ENG: variants seen among roughly 807,000 people sequenced by gnomAD.
ENG encodes endoglin.
In ENG, 17 loss-of-function variants were observed where a neutral mutation model predicts 71.0. The observed-to-expected ratio is 0.24, with a 90% CI of 0.16 to 0.36. ENG has a LOEUF of 0.36. ENG is among the 10% of genes least tolerant of loss of function. The probability of loss-of-function intolerance (pLI) is 1.00; values close to 1 mark genes in which losing one functional copy is unlikely to be tolerated. For synonymous variants in ENG, 360 were observed against 366.9 expected (o/e 0.98, Z 0.21); for missense variants, 749 against 868.3 (o/e 0.86, Z 1.73).
intron 1 of ENG, among the ~76,000 whole-genome samples, chr9:127,849,287 A>G (rs1831239359): frequency 6.6e-6 from 1 of 152,352 alleles, no homozygotes; most frequent in South Asian, 2.1e-4. Context: ...CCATTACTCC[A>G]TTCTTGAATC....
chr9:127,831,602 G>A (rs1233788724), intron 2 of ENG, among the ~76,000 whole-genome samples: 2 of 151,542 alleles, frequency 1.3e-5, no homozygotes, highest in Non-Finnish European at 2.9e-5. Flanking sequence ...TGGTCAGGCT[G>A]GTCTCGAACT....
chr9:127,834,288 G>A (rs1830842218), intron 2 of ENG, among the ~76,000 whole-genome samples: 1 of 151,092 alleles, frequency 6.6e-6, no homozygotes, highest in African/African-American at 2.4e-5. Flanking sequence ...TGTCGCCTAG[G>A]CTAGAGTGCA....
chr9:127,853,143 G>A (rs186407579), intron 1 of ENG, among the ~76,000 whole-genome samples: 43 of 152,230 alleles, frequency 2.8e-4, no homozygotes, highest in African/African-American at 9.9e-4. Flanking sequence ...GCCGCAGGCC[G>A]GGAGTCAAAT....
intron 8 of ENG, among the ~76,000 whole-genome samples, chr9:127,823,029 CAG>C (rs1201058625): frequency 1.3e-5 from 2 of 151,136 alleles, no homozygotes; most frequent in Non-Finnish European, 2.9e-5. Context: ...TTAGTAGAGA[CAG>C]GGTTTCACCG....
intron 11 of ENG, 25 bp downstream of exon 11, chr9:127,818,691 G>A (rs370394954): frequency 8.8e-5 from 142 of 1,609,880 alleles, no homozygotes; most frequent in Non-Finnish European, 1.1e-4. Context: ...TGGGAGGCCC[G>A]AGGGGTGACA....
intron 2 of ENG, among the ~76,000 whole-genome samples, chr9:127,834,701 C>T (rs542277140): frequency 1.9e-4 from 29 of 150,708 alleles, no homozygotes; most frequent in Admixed American, 1.8e-3. Context: ...CCACGCCCAG[C>T]CTAATTTTTG....
In ENG at chr9:127,819,909, G is replaced by C. The variant is rs760446518; in HGVS notation, c.1263C>G (p.Ile421Met). ...SCGMQVSASM[I>M]SNEAVVNILS... is the part of the protein sequence containing the mutation. ...TGGCCCCAGCTCTTACCTCATTGCT[G>C]ATCATACTTGCTGACACCTGCATGC... is the stretch of plus-strand genomic sequence containing the variant. Residue 421 changes from isoleucine to methionine, a missense_variant, in exon 9 of 15, where the codon ATC (isoleucine) becomes ATG (methionine). By Grantham distance (10) the Ile-to-Met change is conservative. Coordinates refer to ENST00000373203, the MANE Select transcript of ENG (RefSeq NM_001114753.3). The C allele has an allele frequency of 1.9e-6, 3 of 1,614,232 alleles. No homozygotes were observed. The highest frequency in any genetic ancestry group is 1.7e-5 in the Admixed American group (1 of 60,028).
Position 127,854,476 on chromosome 9 carries a change from G to A in ENG, c.-121C>T, listed in dbSNP as rs527858227. ...CCCGAGGGGAGCAGGCGGCCGGAGCGACGGCGTCCCTGCTCCAGCCTTCTG... is the reference window on the plus strand; with the variant it reads ...CCCGAGGGGAGCAGGCGGCCGGAGCAACGGCGTCCCTGCTCCAGCCTTCTG... On this transcript the variant is annotated 5_prime_UTR_variant, in exon 1 of 15. Transcript: ENST00000373203. 9 of 1,100,870 alleles carry A rather than the reference G, an allele frequency of 8.2e-6. No homozygotes were observed. Among genetic ancestry groups the A allele is most frequent in the Middle Eastern group, 2.8e-4 (1 of 3,520 alleles). 68.2% of individuals were successfully genotyped at this position (1,100,870 alleles called of 1,614,324 possible).
intron 1 of ENG, among the ~76,000 whole-genome samples, chr9:127,850,718 C>A (rs930708925): frequency 2.0e-5 from 3 of 152,262 alleles, no homozygotes; most frequent in Non-Finnish European, 4.4e-5. Context: ...ATCCTCCACA[C>A]TCAGGAACAC....
chr9:127,853,842 C>A (rs1180479441), intron 1 of ENG, among the ~76,000 whole-genome samples: 1 of 152,198 alleles, frequency 6.6e-6, no homozygotes, highest in East Asian at 1.9e-4. Flanking sequence ...GAAGGCAGTC[C>A]CCCAGGATCA....
At chr9:127,824,262 T>C in intron 8 of ENG, 42 bp downstream of exon 8, 1 of 1,613,810 alleles carries the variant, frequency 6.2e-7, no homozygotes, top group South Asian at 1.1e-5. Context: ...AGGAACCAGA[T>C]GTCCATGTCA....
chr9:127,854,418 G>GGGCACCGGGGCC lies in ENG; in HGVS notation c.-75_-64dup. On this transcript the variant is annotated 5_prime_UTR_variant, in exon 1 of 15. Coordinates refer to ENST00000373203, the MANE Select transcript of ENG (RefSeq NM_001114753.3). ...TGTGTCCAGTGGCAGGGCTGCGGGC[G>GGGCACCGGGGCC]GGCACCGGGGCCGGCGTGGGCTCGC... 6.6e-7 allele frequency: 1 copy of GGGCACCGGGGCC among 1,515,090 alleles called. No individual in the cohort carries two copies. The highest frequency in any genetic ancestry group is 8.9e-7 in the Non-Finnish European group (1 of 1,121,642). The allele number at this position is 1,515,090 out of a possible 1,614,324, so 93.9% of individuals were successfully genotyped here. A position where few individuals can be genotyped will look rare whatever the true frequency, so the allele number is the denominator to read the frequency against.
chr9:127,845,554 C>T (rs758331056), intron 1 of ENG, among the ~76,000 whole-genome samples: 9 of 152,214 alleles, frequency 5.9e-5, no homozygotes, highest in Non-Finnish European at 1.2e-4. Flanking sequence ...GCCTCTCAGG[C>T]CCAATGCTTA....
chr9:127,824,146 G>A (rs1382770456), intron 8 of ENG, among the ~76,000 whole-genome samples, 158 bp downstream of exon 8: 1 of 152,178 alleles, frequency 6.6e-6, no homozygotes, highest in Non-Finnish European at 1.5e-5. Context: ...CCACGTGGTA[G>A]GTACCATTAT....
At chr9:127,825,577 G>T in intron 5 of ENG, 118 bp downstream of exon 5, 2 of 1,253,788 alleles carry the variant, frequency 1.6e-6, no homozygotes, top group Non-Finnish European at 2.2e-6. Context: ...GGGCTGCGGC[G>T]GGGCTGGGGC....
Position 127,854,462 on chromosome 9 carries a change from C to T in ENG, c.-107G>A. On this transcript the variant is annotated 5_prime_UTR_variant, in exon 1 of 15. Transcript: ENST00000373203. ...GGCTCGCACGGGGACCCGAGGGGAG[C>T]AGGCGGCCGGAGCGACGGCGTCCCT... 6 of 1,290,806 alleles carry T rather than the reference C, an allele frequency of 4.6e-6. No homozygotes were observed. In the South Asian group the frequency reaches 8.5e-5, roughly 18 times the overall value. The allele number at this position is 1,290,806 out of a possible 1,614,324, so 80.0% of individuals were successfully genotyped here. A position where few individuals can be genotyped will look rare whatever the true frequency, so the allele number is the denominator to read the frequency against.
chr9:127,829,629 A>G (rs1054920153), intron 3 of ENG, 58 bp downstream of exon 3: 55 of 1,608,286 alleles, frequency 3.4e-5, no homozygotes, highest in Non-Finnish European at 4.4e-5. Context: ...ACAGAGATGG[A>G]CAGTAGGGAC....
chr9:127,846,799 C>T lies in ENG; in HGVS notation c.68-3554G>A, dbSNP rs996163503. The T allele has an allele frequency of 4.4e-6, 4 of 916,458 alleles. No individual in the cohort carries two copies. In the African/African-American group the frequency reaches 5.4e-5, roughly 12 times the overall value. The allele number at this position is 916,458 out of a possible 1,614,324, so 56.8% of individuals were successfully genotyped here. A position where few individuals can be genotyped will look rare whatever the true frequency, so the allele number is the denominator to read the frequency against. ...ACGCCAGGGCCTCCCGGGACTGGGT[C>T]AGAGGAGGAGCCGCTGGGGGCCTGG... On this transcript the variant is annotated intron_variant, in intron 1 of 14. Transcript: ENST00000373203. This position sits in a 1 kb window ranked among gnomAD's most constrained non-coding sequence, Gnocchi z 5.5.
intron 1 of ENG, among the ~76,000 whole-genome samples, chr9:127,844,294 T>C (rs1007155648): frequency 2.0e-5 from 3 of 151,034 alleles, no homozygotes; most frequent in African/African-American, 7.3e-5. Flanking sequence ...CCTGGCTAAT[T>C]TTTTGTATTT....
Sources: gnomAD v4.1 joint callset for allele counts (sites outside exome capture counted in the v4.1 genomes callset) on GRCh38, gnomAD v4.1.1 for gene constraint, Gnocchi (gnomAD v3.1) non-coding constraint, MANE v1.5 for transcripts, NCBI Gene and HGNC (gene_info 2026-07-23, HGNC 2026-07-21) for gene names.